Variants in CARNMT1 observed in about 807,000 individuals in gnomAD.
CARNMT1 encodes the protein protein-L-histidine N-pros-methyltransferase CARNMT1.
In CARNMT1, 28 loss-of-function variants were observed where a neutral mutation model predicts 49.6. That is an observed-to-expected ratio of 0.56 (90% CI 0.42 to 0.77). The LOEUF (loss-of-function observed/expected upper bound fraction) is 0.77. Among genes scored for constraint, CARNMT1 ranks in the 30% least tolerant of loss-of-function variants. The pLI, the probability that CARNMT1 is intolerant of heterozygous loss-of-function variation, is 0.00. For synonymous variants in CARNMT1, 178 were observed against 175.0 expected (o/e 1.02, Z -0.13); for missense variants, 421 against 512.6 (o/e 0.82, Z 1.73).
At chr9:75,003,726 T>C (rs772884918) in intron 3 of CARNMT1, among the ~76,000 whole-genome samples, 3 of 152,256 alleles carry the variant, frequency 2.0e-5, no homozygotes, top group Admixed American at 1.3e-4. Flanking sequence ...ACCCTTAGCA[T>C]GAATAACTTT....
intron 1 of CARNMT1, among the ~76,000 whole-genome samples, chr9:75,026,705 A>G: frequency 6.6e-6 from 1 of 152,220 alleles, no homozygotes; most frequent in East Asian, 1.9e-4. Flanking sequence ...TCGAAGTTCA[A>G]AAGTTCCTAT....
At chr9:75,019,098 G>A (rs1358401960) in intron 1 of CARNMT1, among the ~76,000 whole-genome samples, 1 of 152,096 alleles carries the variant, frequency 6.6e-6, no homozygotes, top group East Asian at 1.9e-4. Context: ...GCAGCGAAAT[G>A]AGTAAATTAC....
chr9:75,008,042 T>A (rs553845354), intron 3 of CARNMT1, among the ~76,000 whole-genome samples: 1 of 152,048 alleles, frequency 6.6e-6, no homozygotes, highest in African/African-American at 2.4e-5. Context: ...AAAAGTAAAT[T>A]AAGACAGCAA....
intron 6 of CARNMT1, 22 bp downstream of exon 6, chr9:74,996,425 T>C: frequency 5.4e-6 from 7 of 1,290,520 alleles, no homozygotes; most frequent in Non-Finnish European, 7.7e-6. Flanking sequence ...TACAAAATTT[T>C]AGTAAATACT....
At chr9:75,015,152 G>T (rs1833809321) in intron 3 of CARNMT1, among the ~76,000 whole-genome samples, 1 of 152,126 alleles carries the variant, frequency 6.6e-6, no homozygotes, top group Non-Finnish European at 1.5e-5. Context: ...TCTCTGAAGG[G>T]AATGGGAAAA....
chr9:75,020,755 C>G (rs969706931), intron 1 of CARNMT1, among the ~76,000 whole-genome samples: 1 of 152,164 alleles, frequency 6.6e-6, no homozygotes, highest in African/African-American at 2.4e-5. Context: ...TTTTTACAAG[C>G]TTGTGTTTGG....
chr9:75,015,007 CT>C (rs1833804769), intron 3 of CARNMT1, among the ~76,000 whole-genome samples: 5 of 152,250 alleles, frequency 3.3e-5, no homozygotes, highest in African/African-American at 1.2e-4. Context: ...TCTAAAAGAT[CT>C]TTAAATAAGA....
chr9:75,026,945 C>A, intron 1 of CARNMT1: 1 of 519,402 alleles, frequency 1.9e-6, no homozygotes. Flanking sequence ...TTGAGGAGGT[C>A]ACAGCAAAGC....
chr9:74,996,255 C>T (rs1039289119), intron 6 of CARNMT1, 192 bp downstream of exon 6: 4 of 479,056 alleles, frequency 8.3e-6, no homozygotes, highest in East Asian at 3.5e-5. Flanking sequence ...TGTGAATATA[C>T]AACTTCTGAG....
At chr9:75,007,110 T>C (rs1365803136) in intron 3 of CARNMT1, among the ~76,000 whole-genome samples, 4 of 152,222 alleles carry the variant, frequency 2.6e-5, no homozygotes, top group Non-Finnish European at 5.9e-5. Context: ...ATTTTGAATT[T>C]TGAGGTATAC....
Position 75,028,083 on chromosome 9 carries a change from G to A in CARNMT1, c.159C>T (p.Ser53=), listed in dbSNP as rs1292623894. The A allele has an allele frequency of 3.2e-6, 5 of 1,564,378 alleles. No individual in the cohort carries two copies. Among genetic ancestry groups the A allele is most frequent in the Admixed American group, 3.7e-5 (2 of 54,592 alleles). ...VSAAAAAATR[S]TEEEEERLER... is the part of the protein sequence containing the mutation. ...CAAGCCTCTCCTCCTCCTCCTCGGT[G>A]CTGCGCGTGGCCGCCGCCGCTGCCG... Residue 53 remains serine, a synonymous_variant, in exon 1 of 8, where the codon AGC becomes AGT. Coordinates refer to ENST00000376834, the MANE Select transcript of CARNMT1 (RefSeq NM_152420.3).
chr9:75,000,644 C>T (rs944228488), intron 3 of CARNMT1, among the ~76,000 whole-genome samples: 1 of 152,094 alleles, frequency 6.6e-6, no homozygotes, highest in Non-Finnish European at 1.5e-5. Flanking sequence ...AAATTGTAGT[C>T]TTATAAGAAG....
intron 4 of CARNMT1, among the ~76,000 whole-genome samples, chr9:74,999,045 TCAAAAC>T (rs1226027156): frequency 6.6e-6 from 1 of 152,144 alleles, no homozygotes; most frequent in African/African-American, 2.4e-5. Flanking sequence ...TTTCTAAACT[TCAAAAC>T]CAAGTAATAA....
chr9:75,010,049 T>C (rs1285998266), intron 3 of CARNMT1: 2 of 151,702 alleles, frequency 1.3e-5, no homozygotes, highest in African/African-American at 4.8e-5. Flanking sequence ...TAGAAATTTT[T>C]TAAAAAATCA....
chr9:75,016,461 C>G, intron 2 of CARNMT1, 30 bp from the exon 3 acceptor site: 1 of 1,607,518 alleles, frequency 6.2e-7, no homozygotes. Context: ...CAATTAGCTT[C>G]TGAGAGAGTA....
chr9:75,005,725 C>T (rs940749340), intron 3 of CARNMT1, among the ~76,000 whole-genome samples: 6 of 151,508 alleles, frequency 4.0e-5, no homozygotes, highest in East Asian at 3.9e-4. Context: ...CACCCACCTC[C>T]GCCTCCCAAA....
intron 3 of CARNMT1, among the ~76,000 whole-genome samples, chr9:75,000,483 C>T (rs558625617): frequency 6.6e-6 from 1 of 152,204 alleles, no homozygotes; most frequent in Admixed American, 6.5e-5. Context: ...GGTTCACAAC[C>T]AAACTGATCT....
At position 75,016,500 on chromosome 9, in the gene CARNMT1, T is replaced by C; in HGVS notation, c.427-69A>G. The C allele has an allele frequency of 3.4e-6, 5 of 1,491,362 alleles. No homozygotes were observed. In the Admixed American group the frequency reaches 7.0e-5, roughly 21 times the overall value. 92.4% of individuals were successfully genotyped at this position (1,491,362 alleles called of 1,614,324 possible). ...CACTTATATTATGGTTAAATAGACA[T>C]GCTACTAAGGGGCTATATAGGTGGT... On this transcript the variant is annotated intron_variant, in intron 2 of 7. Coordinates refer to ENST00000376834, the MANE Select transcript of CARNMT1 (RefSeq NM_152420.3).
intron 1 of CARNMT1, chr9:75,027,060 G>A (rs1286162522): frequency 1.5e-6 from 2 of 1,303,758 alleles, no homozygotes; most frequent in Non-Finnish European, 2.0e-6. Flanking sequence ...TACCTGCGTA[G>A]GAGGTCATGT....
Sources: allele counts gnomAD v4.1 joint callset (sites outside exome capture counted in the v4.1 genomes callset), GRCh38; gene constraint gnomAD v4.1.1; transcripts MANE v1.5; gene names NCBI Gene and HGNC (gene_info 2026-07-23, HGNC 2026-07-21).